TMEM267: variants seen among roughly 807,000 people sequenced by gnomAD.
TMEM267 encodes transmembrane protein C5orf28.
TMEM267 carries 20 observed loss-of-function variants against 19.3 expected under a neutral mutation model. That is an observed-to-expected ratio of 1.04 (90% confidence interval 0.73 to 1.51). TMEM267 has a LOEUF of 1.51. TMEM267 is among the 40% of genes most tolerant of loss of function. The probability of loss-of-function intolerance (pLI) is 0.00; values close to 1 mark genes in which losing one functional copy is unlikely to be tolerated. For synonymous variants in TMEM267, 88 were observed against 90.3 expected (o/e 0.97, Z 0.15); for missense variants, 242 against 261.9 (o/e 0.92, Z 0.52).
intron 1 of TMEM267, among the ~76,000 whole-genome samples, chr5:43,475,777 T>C (rs777263660): frequency 5.3e-5 from 8 of 152,078 alleles, no homozygotes; most frequent in Non-Finnish European, 1.2e-4. Context: ...AATTTTTCAA[T>C]ATAATAGCAA....
chr5:43,462,217 G>T (rs537484330), intron 1 of TMEM267, among the ~76,000 whole-genome samples: 55 of 152,294 alleles, frequency 3.6e-4, no homozygotes, highest in African/African-American at 1.3e-3. Context: ...AAGAACCACA[G>T]CATTACTGGG....
At chr5:43,480,434 C>G (rs868503206) in intron 1 of TMEM267, among the ~76,000 whole-genome samples, 5 of 152,154 alleles carry the variant, frequency 3.3e-5, no homozygotes, top group Middle Eastern at 6.8e-3. Context: ...CTGACTCAGT[C>G]TCCTGAGTAG....
chr5:43,454,532 C>G (rs1035160777), intron 1 of TMEM267: 6 of 152,200 alleles, frequency 3.9e-5, no homozygotes, highest in Admixed American at 2.6e-4. Flanking sequence ...CAATCAGATT[C>G]CTTTCCAAAA....
At chr5:43,476,127 G>C (rs1192081550) in intron 1 of TMEM267, 1 of 152,144 alleles carries the variant, frequency 6.6e-6, no homozygotes, top group Non-Finnish European at 1.5e-5. Flanking sequence ...GCTGGCATGG[G>C]GAAGAAGCTG....
intron 2 of TMEM267, among the ~76,000 whole-genome samples, chr5:43,447,588 C>T (rs1010111011): frequency 2.0e-5 from 3 of 152,152 alleles, no homozygotes; most frequent in Non-Finnish European, 4.4e-5. Context: ...AATCTCTGCA[C>T]ATATCCTCTA....
chr5:43,468,484 A>C (rs1041194014), intron 1 of TMEM267, among the ~76,000 whole-genome samples: 1 of 152,152 alleles, frequency 6.6e-6, no homozygotes, highest in African/African-American at 2.4e-5. Flanking sequence ...ATTAAAGGAA[A>C]AAGGGAGAGT....
At chr5:43,457,088 T>C (rs1290377247) in intron 1 of TMEM267, among the ~76,000 whole-genome samples, 1 of 152,162 alleles carries the variant, frequency 6.6e-6, no homozygotes, top group Non-Finnish European at 1.5e-5. Flanking sequence ...TTATAGTAAG[T>C]GAAAGAAGTC....
intron 1 of TMEM267, among the ~76,000 whole-genome samples, chr5:43,464,195 C>T (rs1352238511): frequency 6.6e-6 from 1 of 152,048 alleles, no homozygotes; most frequent in Non-Finnish European, 1.5e-5. Context: ...TGAGTGAACT[C>T]CCATTCACAA....
intron 1 of TMEM267, among the ~76,000 whole-genome samples, chr5:43,474,844 T>C (rs1744318510): frequency 6.6e-6 from 1 of 151,654 alleles, no homozygotes; most frequent in African/African-American, 2.4e-5. Flanking sequence ...CTCACGCCAG[T>C]TAGAATGGCG....
chr5:43,454,465 T>C (rs1271324827), intron 1 of TMEM267: 1 of 152,634 alleles, frequency 6.6e-6, no homozygotes, highest in Non-Finnish European at 1.5e-5. Flanking sequence ...CAATTAGAGT[T>C]TTCCATTTCC....
chr5:43,467,804 A>G (rs1406315221), intron 1 of TMEM267, among the ~76,000 whole-genome samples: 1 of 152,178 alleles, frequency 6.6e-6, no homozygotes, highest in African/African-American at 2.4e-5. Context: ...TCACAGAGAT[A>G]GATACATATT....
Position 43,446,173 on chromosome 5 carries a change from T to C in TMEM267, c.*49A>G, listed in dbSNP as rs1742221916. The C allele has an allele frequency of 2.5e-6, 3 of 1,185,072 alleles. No individual in the cohort carries two copies. The highest frequency in any genetic ancestry group is 1.5e-5 in the African/African-American group (1 of 65,364). 73.4% of individuals were successfully genotyped at this position (1,185,072 alleles called of 1,614,324 possible). ...AAATTAACTTTAATGTTGGCTACTC[T>C]TAATTATCATCATCTGAGCCATTTG... On this transcript the variant is annotated 3_prime_UTR_variant, in exon 3 of 3. Coordinates refer to ENST00000397080, the MANE Select transcript of TMEM267 (RefSeq NM_022483.5).
chr5:43,464,226 TACCTAGGAATCCAAC>T (rs1224413433), intron 1 of TMEM267, among the ~76,000 whole-genome samples: 18 of 151,736 alleles, frequency 1.2e-4, no homozygotes, highest in African/African-American at 4.4e-4. Flanking sequence ...GAGAATAAAA[TACCTAGGAATCCAAC>T]TTACAAGGGA....
rs190690609 is a variant in TMEM267 at position 43,454,367 on chromosome 5, T to C, written c.-74-324A>G. On this transcript the variant is annotated intron_variant, in intron 1 of 2. Coordinates refer to ENST00000397080, the MANE Select transcript of TMEM267 (RefSeq NM_022483.5). ...CATGGTGGTGAATATCCGTTGGGTT[T>C]GTGTACCCAACAACTACTTTCCATA... The C allele has an allele frequency of 5.6e-5, 9 of 159,876 alleles. No individual in the cohort carries two copies. The East Asian group carries it at 1.7e-3, about 29-fold the overall frequency. 9.9% of individuals were successfully genotyped at this position (159,876 alleles called of 1,614,324 possible).
At position 43,448,793 on chromosome 5, in the gene TMEM267, C is replaced by CT. The variant is rs1554031180; in HGVS notation, c.313-2237_313-2236insA. ...CTCTGTCTAAAAAACAACCCCCCCC[C>CT]ACAAAAAAAACTATCTCTTGAACCC... On this transcript the variant is annotated intron_variant, in intron 2 of 2. Transcript: ENST00000397080. Among the ~76,000 whole-genome samples, 39 of 150,350 alleles carry CT rather than the reference C, an allele frequency of 2.6e-4. 2 individuals carry two copies. The highest frequency in any genetic ancestry group is 4.4e-4 in the Non-Finnish European group (30 of 67,614).
chr5:43,458,956 A>G (rs149650501), intron 1 of TMEM267, among the ~76,000 whole-genome samples: 173 of 152,036 alleles, frequency 1.1e-3, no homozygotes, highest in Non-Finnish European at 2.1e-3. Flanking sequence ...GGCATTGAAA[A>G]AAAATTTCCA....
At chr5:43,469,861 C>T (rs1471510455) in intron 1 of TMEM267, among the ~76,000 whole-genome samples, 2 of 152,198 alleles carry the variant, frequency 1.3e-5, no homozygotes, top group Non-Finnish European at 2.9e-5. Flanking sequence ...AACAGTTCCA[C>T]CCAATTTCAC....
chr5:43,482,070 C>G (rs1744816635), intron 1 of TMEM267, among the ~76,000 whole-genome samples: 2 of 152,172 alleles, frequency 1.3e-5, no homozygotes, highest in African/African-American at 4.8e-5. Context: ...GTCTCGATCT[C>G]CTGATCTCGT....
chr5:43,449,684 G>A (rs1269621418), intron 2 of TMEM267, among the ~76,000 whole-genome samples: 2 of 152,284 alleles, frequency 1.3e-5, no homozygotes, highest in East Asian at 1.9e-4. Flanking sequence ...ATGTACTATA[G>A]TAATAAAGGT....
Sources: gnomAD v4.1 joint callset for allele counts (sites outside exome capture counted in the v4.1 genomes callset) on GRCh38, gnomAD v4.1.1 for gene constraint, MANE v1.5 for transcripts, NCBI Gene and HGNC (gene_info 2026-07-23, HGNC 2026-07-21) for gene names.